The following AADAT variants were observed in gnomAD, a reference collection of about 807,000 sequenced individuals.
AADAT encodes the protein kynurenine/alpha-aminoadipate aminotransferase, mitochondrial.
In AADAT, 25 loss-of-function variants were observed where a neutral mutation model predicts 56.2. The ratio of observed to expected loss-of-function variants is 0.44; its 90% confidence interval spans 0.32 to 0.62. The LOEUF (loss-of-function observed/expected upper bound fraction) is 0.62, where lower values mean the gene tolerates loss of function less well. Ranked by LOEUF, AADAT falls within the 20% of genes least tolerant of loss-of-function variation. The probability of loss-of-function intolerance (pLI) is 0.04; values close to 1 mark genes in which losing one functional copy is unlikely to be tolerated. For synonymous variants in AADAT, 173 were observed against 164.7 expected (o/e 1.05, Z -0.39); for missense variants, 387 against 510.5 (o/e 0.76, Z 2.33).
chr4:170,093,485 G>C (rs534450942), upstream of AADAT, among the ~76,000 whole-genome samples: 32 of 152,230 alleles, frequency 2.1e-4, no homozygotes, highest in Non-Finnish European at 4.0e-4. Flanking sequence ...GAACCTGTTC[G>C]GTCAAAGGAA....
intron 4 of AADAT, among the ~76,000 whole-genome samples, chr4:170,074,587 G>A (rs562990513): frequency 2.0e-5 from 3 of 152,212 alleles, no homozygotes; most frequent in South Asian, 4.1e-4. Flanking sequence ...AAGTGGTATA[G>A]CATGGGTATA....
intron 4 of AADAT, among the ~76,000 whole-genome samples, chr4:170,075,319 T>G (rs1011698826): frequency 2.0e-5 from 3 of 152,242 alleles, no homozygotes; most frequent in African/African-American, 7.2e-5. Flanking sequence ...GTAAAATTGT[T>G]GCCATTTTAA....
At chr4:170,068,532 T>C in intron 8 of AADAT, 59 bp downstream of exon 8, 1 of 1,349,678 alleles carries the variant, frequency 7.4e-7, no homozygotes, top group Non-Finnish European at 1.0e-6. Context: ...CCATCTATTA[T>C]TTTTTTAAAA....
chr4:170,061,774 T>C (rs1226063393), intron 12 of AADAT, 118 bp downstream of exon 12: 9 of 635,390 alleles, frequency 1.4e-5, no homozygotes, highest in Non-Finnish European at 2.0e-5. Context: ...TCAACAAATA[T>C]CTGAATTTTA....
chr4:170,082,241 G>A (rs2111199472), intron 3 of AADAT, among the ~76,000 whole-genome samples: 1 of 152,240 alleles, frequency 6.6e-6, no homozygotes, highest in South Asian at 2.1e-4. Flanking sequence ...TGTAAATTGA[G>A]ACATCTCAAG....
intron 11 of AADAT, among the ~76,000 whole-genome samples, chr4:170,063,231 A>T (rs548846835): frequency 2.0e-5 from 3 of 152,228 alleles, no homozygotes; most frequent in African/African-American, 7.2e-5. Flanking sequence ...CTGAAAGAGA[A>T]GGGAGTGGTG....
intron 4 of AADAT, among the ~76,000 whole-genome samples, chr4:170,075,907 A>G (rs559973124): frequency 6.6e-6 from 1 of 152,328 alleles, no homozygotes; most frequent in East Asian, 1.9e-4. Flanking sequence ...CCATACTGTA[A>G]TATGTATCAG....
At chr4:170,084,362 A>C (rs1258168105) in intron 3 of AADAT, among the ~76,000 whole-genome samples, 1 of 152,222 alleles carries the variant, frequency 6.6e-6, no homozygotes, top group Non-Finnish European at 1.5e-5. Context: ...AGAAAAAATT[A>C]AAAATTAATT....
chr4:170,087,035 C>T, intron 3 of AADAT, 81 bp downstream of exon 3: 3 of 1,484,802 alleles, frequency 2.0e-6, no homozygotes, highest in South Asian at 1.2e-5. Flanking sequence ...AAATATAATT[C>T]TCTGTGGTTA....
chr4:170,066,908 C>A (rs983009504), intron 9 of AADAT, among the ~76,000 whole-genome samples: 2 of 152,176 alleles, frequency 1.3e-5, no homozygotes, highest in East Asian at 3.9e-4. Flanking sequence ...CTAAAGTAAT[C>A]CATAACTTGT....
At chr4:170,082,762 A>G in intron 3 of AADAT, among the ~76,000 whole-genome samples, 1 of 152,118 alleles carries the variant, frequency 6.6e-6, no homozygotes, top group Non-Finnish European at 1.5e-5. Context: ...TTGGAAACCT[A>G]AAAAGAGTAG....
At chr4:170,076,828 T>G (rs768854912) in intron 4 of AADAT, among the ~76,000 whole-genome samples, 1 of 152,178 alleles carries the variant, frequency 6.6e-6, no homozygotes, top group Non-Finnish European at 1.5e-5. Flanking sequence ...ATGTCCTAAG[T>G]GTTTGTAGTT....
rs551099446 is a variant in AADAT at position 170,064,834 on chromosome 4, A to G, written c.1028-9T>C. Reference sequence around the variant, plus strand: ...ATGCCATTCTGCCAAACCTACAAACAAAAGAAGAGAATAAATGTCTTCCAA... The same window carrying G: ...ATGCCATTCTGCCAAACCTACAAACGAAAGAAGAGAATAAATGTCTTCCAA... On this transcript the variant is annotated splice_polypyrimidine_tract_variant and intron_variant, in intron 10 of 12. Transcript: ENST00000337664. 1.0e-5 allele frequency: 16 copies of G among 1,603,984 alleles called. No homozygotes were observed. The Admixed American group carries it at 2.6e-4, about 26-fold the overall frequency.
chr4:170,073,403 G>GC, intron 4 of AADAT, 58 bp from the exon 5 acceptor site: 4 of 1,178,478 alleles, frequency 3.4e-6, no homozygotes, highest in Non-Finnish European at 3.4e-6. Context: ...AGTGCTATTG[G>GC]TTTTTTTTTT....
chr4:170,071,268 G>T (rs1731749995), intron 5 of AADAT, among the ~76,000 whole-genome samples: 2 of 152,304 alleles, frequency 1.3e-5, no homozygotes, highest in South Asian at 4.2e-4. Flanking sequence ...GGGAGAGAGT[G>T]ACAGGGTAGC....
upstream of AADAT, among the ~76,000 whole-genome samples, chr4:170,093,406 A>G (rs994808040): frequency 2.0e-5 from 3 of 152,080 alleles, no homozygotes; most frequent in African/African-American, 7.2e-5. Context: ...ACTGCACTCC[A>G]GTGGGGGATT....
chr4:170,074,443 A>C (rs993828314), intron 4 of AADAT, among the ~76,000 whole-genome samples: 1 of 152,100 alleles, frequency 6.6e-6, no homozygotes, highest in East Asian at 1.9e-4. Context: ...CTTCATAATT[A>C]TAATTATTAC....
chr4:170,088,001 T>G (rs1581599877), intron 2 of AADAT, among the ~76,000 whole-genome samples: 1 of 150,750 alleles, frequency 6.6e-6, no homozygotes, highest in East Asian at 2.0e-4. Context: ...TGAAGCTTCC[T>G]GGATCTTCCG....
chr4:170,070,654 TA>T lies in AADAT; in HGVS notation c.655-3del. The stretch of plus-strand genomic sequence containing the variant: ...GAGGAAATCATATTTTCTTGCAAGC[TA>T]AAAAAGGTTGAAGTAATTGTTTATT... On this transcript the variant is annotated splice_region_variant and splice_polypyrimidine_tract_variant and intron_variant, in intron 5 of 12. Coordinates refer to ENST00000337664, the MANE Select transcript of AADAT (RefSeq NM_016228.4). The T allele has an allele frequency of 2.6e-6, 4 of 1,533,116 alleles. No individual in the cohort carries two copies. Among genetic ancestry groups the T allele is most frequent in the Non-Finnish European group, 3.6e-6 (4 of 1,121,090 alleles). The allele number at this position is 1,533,116 out of a possible 1,614,324, so 95.0% of individuals were successfully genotyped here.
Sources: gnomAD v4.1 joint callset for allele counts (sites outside exome capture counted in the v4.1 genomes callset) on GRCh38, gnomAD v4.1.1 for gene constraint, MANE v1.5 for transcripts, NCBI Gene and HGNC (gene_info 2026-07-23, HGNC 2026-07-21) for gene names.